Variants in CDKAL1 observed in about 807,000 individuals in gnomAD.
The protein encoded by CDKAL1 is threonylcarbamoyladenosine tRNA methylthiotransferase.
In CDKAL1, 32 loss-of-function variants were observed where a neutral mutation model predicts 68.2. The observed-to-expected ratio is 0.47, with a 90% CI of 0.35 to 0.63. The LOEUF (loss-of-function observed/expected upper bound fraction) is 0.63. Among genes scored for constraint, CDKAL1 ranks in the 30% least tolerant of loss-of-function variants. CDKAL1 has a pLI of 0.00. For missense variants in CDKAL1, 606 were observed against 696.7 expected (o/e 0.87, Z 1.47); for synonymous variants, 234 against 244.3 (o/e 0.96, Z 0.39).
intron 11 of CDKAL1, among the ~76,000 whole-genome samples, chr6:21,052,659 T>G (rs2150913375): frequency 6.6e-6 from 1 of 151,048 alleles, no homozygotes; most frequent in East Asian, 2.0e-4. Flanking sequence ...AGGCATGAGC[T>G]ACCACACCTG....
At chr6:20,652,972 T>A (rs529195136) in intron 5 of CDKAL1, among the ~76,000 whole-genome samples, 1 of 152,360 alleles carries the variant, frequency 6.6e-6, no homozygotes, top group East Asian at 1.9e-4. Context: ...TTGTCTTGTT[T>A]AGCCGTATTT....
intron 13 of CDKAL1, among the ~76,000 whole-genome samples, chr6:21,140,685 G>A (rs1775855468): frequency 6.6e-6 from 1 of 152,154 alleles, no homozygotes; most frequent in Admixed American, 6.5e-5. Context: ...AGCACAGTCT[G>A]TCACAGCAAA....
At chr6:20,863,257 C>G (rs906171336) in intron 9 of CDKAL1, among the ~76,000 whole-genome samples, 1 of 152,022 alleles carries the variant, frequency 6.6e-6, no homozygotes, top group Non-Finnish European at 1.5e-5. Context: ...GTATTTTGGT[C>G]TCAGTTCTCT....
At chr6:21,055,151 G>A (rs1023118526) in intron 11 of CDKAL1, among the ~76,000 whole-genome samples, 14 of 151,810 alleles carry the variant, frequency 9.2e-5, no homozygotes, top group Non-Finnish European at 1.3e-4. Context: ...TTTTTATATG[G>A]TACATTACAT....
At chr6:20,748,555 GA>G (rs760404728) in intron 6 of CDKAL1, among the ~76,000 whole-genome samples, 37 of 28,764 alleles carry the variant, frequency 1.3e-3, no homozygotes, top group African/African-American at 3.8e-3. Context: ...TCTGTTTCTG[GA>G]AAAAAAAAAA....
chr6:20,817,411 A>G (rs1056043207), intron 8 of CDKAL1, among the ~76,000 whole-genome samples: 1 of 152,196 alleles, frequency 6.6e-6, no homozygotes, highest in African/African-American at 2.4e-5. Flanking sequence ...TTACAGGCCA[A>G]TAAAAGTTCT....
At chr6:21,172,943 G>A (rs920260903) in intron 13 of CDKAL1, among the ~76,000 whole-genome samples, 4 of 149,980 alleles carry the variant, frequency 2.7e-5, no homozygotes, top group East Asian at 3.9e-4. Flanking sequence ...ATATTTATTA[G>A]CATAGAGTTG....
chr6:21,208,525 G>A (rs1404221322), intron 15 of CDKAL1, among the ~76,000 whole-genome samples: 3 of 152,036 alleles, frequency 2.0e-5, no homozygotes, highest in East Asian at 1.9e-4. Context: ...TCAGCTAACC[G>A]TGCTAGAAGC....
intron 12 of CDKAL1, among the ~76,000 whole-genome samples, chr6:21,099,209 G>C (rs1010344164): frequency 1.3e-5 from 2 of 152,140 alleles, no homozygotes; most frequent in African/African-American, 2.4e-5. Flanking sequence ...TTTAGAGCAA[G>C]GGTTAGTAAA....
chr6:20,860,336 C>T (rs987314347), intron 9 of CDKAL1, among the ~76,000 whole-genome samples: 2 of 152,316 alleles, frequency 1.3e-5, no homozygotes, highest in East Asian at 3.9e-4. Context: ...GCCTCAGCCT[C>T]CCAAAGTGCT....
At chr6:21,141,297 C>T (rs1775896245) in intron 13 of CDKAL1, among the ~76,000 whole-genome samples, 1 of 152,190 alleles carries the variant, frequency 6.6e-6, no homozygotes, top group African/African-American at 2.4e-5. Flanking sequence ...TTTAATCCTT[C>T]AGGACTCACT....
At chr6:20,996,468 T>C (rs1767114489) in intron 10 of CDKAL1, among the ~76,000 whole-genome samples, 2 of 152,228 alleles carry the variant, frequency 1.3e-5, no homozygotes, top group Admixed American at 6.5e-5. Context: ...CGTCAGGTTA[T>C]TAATTGGCCT....
chr6:20,958,237 G>T (rs549114274), intron 10 of CDKAL1, among the ~76,000 whole-genome samples: 2 of 152,268 alleles, frequency 1.3e-5, no homozygotes, highest in South Asian at 2.1e-4. Flanking sequence ...ACAAAGATAT[G>T]CAAGAATCAA....
intron 15 of CDKAL1, among the ~76,000 whole-genome samples, chr6:21,209,234 A>T (rs963348411): frequency 2.0e-5 from 3 of 152,168 alleles, no homozygotes; most frequent in African/African-American, 7.2e-5. Context: ...GCATCATAGG[A>T]TGGGACTGAG....
At chr6:20,919,217 G>A (rs1762845097) in intron 9 of CDKAL1, among the ~76,000 whole-genome samples, 1 of 152,084 alleles carries the variant, frequency 6.6e-6, no homozygotes. Flanking sequence ...TATTAGAACT[G>A]GGCACTAGGC....
intron 6 of CDKAL1, chr6:20,756,767 T>C (rs1241044914): frequency 6.6e-6 from 1 of 152,080 alleles, no homozygotes; most frequent in African/African-American, 2.4e-5. Flanking sequence ...TTCTGTAAGA[T>C]ACTGAGACCA....
chr6:20,588,022 G>T (rs1369801877), intron 4 of CDKAL1, among the ~76,000 whole-genome samples: 1 of 151,224 alleles, frequency 6.6e-6, no homozygotes, highest in Non-Finnish European at 1.5e-5. Flanking sequence ...CTTGAAGCCT[G>T]GGAGGTGGAA....
In CDKAL1 at chr6:20,576,661, G is replaced by A. The variant is rs557001288; in HGVS notation, c.286+27956G>A. 5.9e-5 allele frequency among the ~76,000 whole-genome samples: 9 copies of A among 152,272 alleles called. No individual in the cohort carries two copies. The South Asian group carries it at 1.9e-3, about 32-fold the overall frequency. On this transcript the variant is annotated intron_variant, in intron 4 of 15. Transcript: ENST00000274695. The stretch of plus-strand genomic sequence containing the variant: ...AATTTTGCAATGCTTAGCGCCTTCT[G>A]TTTCCCCATGTTCCTTGTAGCAAAC...
intron 9 of CDKAL1, among the ~76,000 whole-genome samples, chr6:20,865,401 T>G (rs1312033113): frequency 6.6e-6 from 1 of 152,150 alleles, no homozygotes; most frequent in Non-Finnish European, 1.5e-5. Flanking sequence ...CCTGACAATA[T>G]TTCCCCAGAC....
Sources: gnomAD v4.1 joint callset for allele counts (sites outside exome capture counted in the v4.1 genomes callset) on GRCh38, gnomAD v4.1.1 for gene constraint, MANE v1.5 for transcripts, NCBI Gene and HGNC (gene_info 2026-07-23, HGNC 2026-07-21) for gene names.